SZRD1: variants seen among roughly 807,000 people sequenced by gnomAD.
SZRD1 encodes SUZ RNA-binding domain-containing.
A neutral mutation model predicts 17.6 loss-of-function variants in SZRD1; 7 were observed. The ratio of observed to expected loss-of-function variants is 0.40; its 90% CI spans 0.23 to 0.75. SZRD1 has a LOEUF of 0.75. Ranked by LOEUF, SZRD1 falls within the 30% of genes least tolerant of loss-of-function variation. The pLI, the probability that SZRD1 is intolerant of heterozygous loss-of-function variation, is 0.38. For synonymous variants in SZRD1, 77 were observed against 77.9 expected (o/e 0.99, Z 0.06); for missense variants, 178 against 201.8 (o/e 0.88, Z 0.71).
Position 16,391,360 on chromosome 1 carries a change from A to G in SZRD1, c.52-15A>G. 1 of 1,530,640 alleles carries G rather than the reference A, an allele frequency of 6.5e-7. No homozygotes were observed. Among genetic ancestry groups the G allele is most frequent in the Non-Finnish European group, 8.8e-7 (1 of 1,131,572 alleles). 94.8% of individuals were successfully genotyped at this position (1,530,640 alleles called of 1,614,324 possible). A position where few individuals can be genotyped will look rare whatever the true frequency, so the allele number is the denominator to read the frequency against. The stretch of plus-strand genomic sequence containing the variant: ...GAGATTTTTTCCTCTTTTTATATAC[A>G]TTTTTTTCCTCTAGGAAATAGACAG... On this transcript the variant is annotated splice_polypyrimidine_tract_variant and intron_variant, in intron 1 of 3. Coordinates refer to ENST00000401088, the MANE Select transcript of SZRD1 (RefSeq NM_001114600.3). This position sits in a 1 kb window ranked among gnomAD's most constrained non-coding sequence, Gnocchi z 4.3.
At chr1:16,387,579 C>T (rs560082736) in intron 1 of SZRD1, 52 of 456,750 alleles carry the variant, frequency 1.1e-4, no homozygotes, top group South Asian at 6.5e-4. Flanking sequence ...AGCCCCTTCA[C>T]TTCCCCAGGT....
At chr1:16,381,535 C>T (rs1413643777) in intron 1 of SZRD1, among the ~76,000 whole-genome samples, 4 of 140,298 alleles carry the variant, frequency 2.9e-5, no homozygotes, top group East Asian at 2.1e-4. Flanking sequence ...CCAGCCTGGG[C>T]GACAGCGAGA....
intron 1 of SZRD1, among the ~76,000 whole-genome samples, chr1:16,377,416 C>T (rs1160866855): frequency 1.3e-5 from 2 of 151,998 alleles, no homozygotes; most frequent in Non-Finnish European, 2.9e-5. Flanking sequence ...AACCCTGTCA[C>T]TACTAAAAAT....
intron 1 of SZRD1, among the ~76,000 whole-genome samples, chr1:16,382,433 C>T (rs1428308937): frequency 6.6e-6 from 1 of 151,578 alleles, no homozygotes; most frequent in Non-Finnish European, 1.5e-5. Context: ...GGTGATCCGC[C>T]CACTTCGGCC....
At chr1:16,389,330 TCTCGGCTCA>T (rs1399774001) in intron 1 of SZRD1, among the ~76,000 whole-genome samples, 1 of 151,674 alleles carries the variant, frequency 6.6e-6, no homozygotes, top group Admixed American at 6.6e-5. Context: ...AGTGGCGCCA[TCTCGGCTCA>T]CTGCAAGCTT....
chr1:16,371,476 T>C (rs111380521), intron 1 of SZRD1, among the ~76,000 whole-genome samples: 2,328 of 141,684 alleles, frequency 0.016, 55 homozygotes, highest in African/African-American at 0.058. Flanking sequence ...TTTTTTTTTT[T>C]CCCGAGATGG....
chr1:16,391,711 A>G lies in SZRD1; in HGVS notation c.101+287A>G, dbSNP rs2085224669. 6.6e-6 allele frequency among the ~76,000 whole-genome samples: 1 copy of G among 152,052 alleles called. No homozygotes were observed. Among genetic ancestry groups the G allele is most frequent in the Non-Finnish European group, 1.5e-5 (1 of 68,028 alleles). Reference sequence around the variant, plus strand: ...GGAAGACTTGAGTTTTAGGCCTGGCAGTGCCCCAGTTGCTCTGAGGTCTGG... The same window carrying G: ...GGAAGACTTGAGTTTTAGGCCTGGCGGTGCCCCAGTTGCTCTGAGGTCTGG... On this transcript the variant is annotated intron_variant, in intron 2 of 3. Transcript: ENST00000401088. The surrounding 1 kb of genome is among the most constrained non-coding windows in gnomAD (Gnocchi z 4.3).
chr1:16,371,878 T>G (rs2082921435), intron 1 of SZRD1, among the ~76,000 whole-genome samples: 1 of 152,198 alleles, frequency 6.6e-6, no homozygotes, highest in South Asian at 2.1e-4. Flanking sequence ...TGTACCACTA[T>G]GTGCCTGGCT....
At chr1:16,388,194 A>T (rs1324775868) in intron 1 of SZRD1, among the ~76,000 whole-genome samples, 3 of 151,870 alleles carry the variant, frequency 2.0e-5, no homozygotes, top group Non-Finnish European at 4.4e-5. Flanking sequence ...GCTCACTGCA[A>T]CCTCCGTCTC....
At chr1:16,369,281 T>G (rs368195099) in intron 1 of SZRD1, 33 of 656,124 alleles carry the variant, frequency 5.0e-5, no homozygotes, top group African/African-American at 2.4e-4. Context: ...GTGAGATATT[T>G]GAAATACCTT....
At chr1:16,377,374 A>G (rs1244549058) in intron 1 of SZRD1, among the ~76,000 whole-genome samples, 1 of 152,036 alleles carries the variant, frequency 6.6e-6, no homozygotes, top group Non-Finnish European at 1.5e-5. Flanking sequence ...CCTGAGGTCA[A>G]GAGTTCAAGA....
intron 1 of SZRD1, among the ~76,000 whole-genome samples, chr1:16,385,608 C>A (rs909457445): frequency 1.1e-4 from 17 of 152,176 alleles, no homozygotes; most frequent in African/African-American, 3.6e-4. Context: ...CTTCACCTTA[C>A]AGACACATCC....
At chr1:16,376,262 A>G (rs564927503) in intron 1 of SZRD1, among the ~76,000 whole-genome samples, 4 of 152,258 alleles carry the variant, frequency 2.6e-5, no homozygotes, top group South Asian at 4.1e-4. Flanking sequence ...GTGCTTTAGG[A>G]TGCTTAGTTA....
intron 1 of SZRD1, 32 bp downstream of exon 1, chr1:16,367,340 C>T (rs2082837541): frequency 6.5e-7 from 1 of 1,541,954 alleles, no homozygotes. Context: ...ATGGCAGGGC[C>T]GGGCGAGACC....
intron 1 of SZRD1, among the ~76,000 whole-genome samples, chr1:16,368,339 C>CT (rs2082858051): frequency 1.3e-5 from 2 of 152,040 alleles, no homozygotes; most frequent in South Asian, 4.1e-4. Flanking sequence ...GTTTTTTTTC[C>CT]TAAGCGCTTT....
At chr1:16,376,046 G>A (rs2082998348) in intron 1 of SZRD1, among the ~76,000 whole-genome samples, 1 of 152,160 alleles carries the variant, frequency 6.6e-6, no homozygotes, top group African/African-American at 2.4e-5. Flanking sequence ...GATATATGTT[G>A]TATGGCTGCC....
chr1:16,371,476 TC>T (rs1228514356), intron 1 of SZRD1, among the ~76,000 whole-genome samples: 1 of 141,626 alleles, frequency 7.1e-6, no homozygotes, highest in African/African-American at 2.7e-5. Flanking sequence ...TTTTTTTTTT[TC>T]CCGAGATGGA....
At position 16,391,379 on chromosome 1, in the gene SZRD1, TAGAC is replaced by T. The variant is rs1051121883; in HGVS notation, c.61_64del (p.Arg21GlyfsTer6). 4 of 1,547,418 alleles carry T rather than the reference TAGAC, an allele frequency of 2.6e-6. No individual in the cohort carries two copies. The highest frequency in any genetic ancestry group is 1.4e-5 in the African/African-American group (1 of 73,010). ...ATATACATTTTTTTCCTCTAGGAAATAGACAGACGGTTGGAAAAAAAACTGAAGA... is the reference window on the plus strand; with the variant it reads ...ATATACATTTTTTTCCTCTAGGAAATAGACGGTTGGAAAAAAAACTGAAGA... On this transcript the variant is annotated frameshift_variant, in exon 2 of 4. Coordinates refer to ENST00000401088, the MANE Select transcript of SZRD1 (RefSeq NM_001114600.3). LOFTEE classifies it high-confidence loss of function. The surrounding 1 kb of genome is among the most constrained non-coding windows in gnomAD (Gnocchi z 4.3).
At chr1:16,383,907 C>T (rs1321034570) in intron 1 of SZRD1, among the ~76,000 whole-genome samples, 1 of 152,166 alleles carries the variant, frequency 6.6e-6, no homozygotes, top group East Asian at 1.9e-4. Context: ...CGTGAGCCAC[C>T]GCGGCTGGCC....
Sources: allele counts gnomAD v4.1 joint callset (sites outside exome capture counted in the v4.1 genomes callset), GRCh38; gene constraint gnomAD v4.1.1; non-coding constraint Gnocchi (gnomAD v3.1); transcripts MANE v1.5; gene names NCBI Gene and HGNC (gene_info 2026-07-23, HGNC 2026-07-21).